The following SORCS1 variants were observed in gnomAD, a reference collection of about 807,000 sequenced individuals.
The protein encoded by SORCS1 is VPS10 domain-containing receptor SorCS1.
In SORCS1, 60 loss-of-function variants were observed where a neutral mutation model predicts 146.1. The observed-to-expected ratio is 0.41, with a 90% confidence interval of 0.33 to 0.51. The LOEUF is 0.51. Ranked by LOEUF, SORCS1 falls within the 20% of genes least tolerant of loss-of-function variation. The probability of loss-of-function intolerance (pLI) is 0.21; values close to 1 mark genes in which losing one functional copy is unlikely to be tolerated. For missense variants in SORCS1, 1,352 were observed against 1,487.6 expected (o/e 0.91, Z 1.50); for synonymous variants, 637 against 584.0 (o/e 1.09, Z -1.31).
chr10:106,789,091 T>C (rs895742425), intron 3 of SORCS1, among the ~76,000 whole-genome samples: 2 of 152,172 alleles, frequency 1.3e-5, no homozygotes, highest in Admixed American at 6.5e-5. Flanking sequence ...TCCACAGCAA[T>C]GGCCTGAGCT....
At chr10:106,875,725 T>C (rs1950567804) in intron 2 of SORCS1, among the ~76,000 whole-genome samples, 1 of 152,230 alleles carries the variant, frequency 6.6e-6, no homozygotes, top group Non-Finnish European at 1.5e-5. Context: ...GAGCATTTTT[T>C]CATGTTTATT....
In SORCS1 at chr10:106,991,062, C is replaced by T. The variant is rs142675274; in HGVS notation, c.559-34482G>A. 5.5e-3 allele frequency among the ~76,000 whole-genome samples: 833 copies of T among 152,330 alleles called. 5 individuals are homozygous for T. Among genetic ancestry groups the T allele is most frequent in the Middle Eastern group, 0.034 (10 of 294 alleles). ...GCCACTTTTTCACCTGTTCAGTATT[C>T]CATGATACTAACTAATCTGACTTAT... On this transcript the variant is annotated intron_variant, in intron 1 of 25. Transcript: ENST00000263054.
intron 9 of SORCS1, among the ~76,000 whole-genome samples, chr10:106,693,160 T>G (rs182722143): frequency 6.6e-6 from 1 of 152,306 alleles, no homozygotes; most frequent in Non-Finnish European, 1.5e-5. Flanking sequence ...GTCTAAAATC[T>G]GAAACCCTAC....
chr10:106,799,178 T>C (rs1249603573), intron 3 of SORCS1, among the ~76,000 whole-genome samples: 1 of 152,230 alleles, frequency 6.6e-6, no homozygotes, highest in Non-Finnish European at 1.5e-5. Context: ...GCTAGCCATA[T>C]GTAGAAAGCT....
At chr10:107,180,479 T>C in the SORCS1 span, among the ~76,000 whole-genome samples, 1 of 152,178 alleles carries the variant, frequency 6.6e-6, no homozygotes, top group African/African-American at 2.4e-5. Context: ...CTCTGACCTT[T>C]GTTTTATTTC....
At chr10:107,147,650 T>C (rs1262555893) in intron 1 of SORCS1, among the ~76,000 whole-genome samples, 2 of 152,210 alleles carry the variant, frequency 1.3e-5, no homozygotes, top group African/African-American at 4.8e-5. Flanking sequence ...AGACTTTCTT[T>C]ATGGTATATC....
chr10:106,577,185 T>A lies in SORCS1; in HGVS notation c.*235A>T. Reference sequence around the variant, plus strand: ...ATTGTTTATATTTTATGTTTTGTTTTGTTTTTGTTTTTGTTTTTTTACTGG... The same window carrying A: ...ATTGTTTATATTTTATGTTTTGTTTAGTTTTTGTTTTTGTTTTTTTACTGG... On this transcript the variant is annotated 3_prime_UTR_variant, in exon 26 of 26. Transcript: ENST00000263054. The A allele has an allele frequency of 6.8e-7, 1 of 1,467,490 alleles. No individual in the cohort carries two copies. The highest frequency in any genetic ancestry group is 9.2e-7 in the Non-Finnish European group (1 of 1,092,444). The allele number at this position is 1,467,490 out of a possible 1,614,324, so 90.9% of individuals were successfully genotyped here. A position where few individuals can be genotyped will look rare whatever the true frequency, so the allele number is the denominator to read the frequency against.
intron 1 of SORCS1, among the ~76,000 whole-genome samples, chr10:106,992,094 T>C (rs1956792210): frequency 6.6e-6 from 1 of 152,186 alleles, no homozygotes; most frequent in Admixed American, 6.5e-5. Flanking sequence ...AGGTGAAGAC[T>C]GAGCAATCAA....
intron 2 of SORCS1, among the ~76,000 whole-genome samples, chr10:106,898,172 T>C (rs1471804353): frequency 2.0e-5 from 3 of 152,372 alleles, no homozygotes; most frequent in East Asian, 3.9e-4. Context: ...CCTGGTTCTA[T>C]ATGGAAAGGT....
intron 2 of SORCS1, among the ~76,000 whole-genome samples, chr10:106,916,052 C>G (rs900662280): frequency 2.6e-5 from 4 of 152,232 alleles, no homozygotes; most frequent in African/African-American, 9.6e-5. Flanking sequence ...ACACCTCTTG[C>G]TCATCACTTT....
intron 2 of SORCS1, among the ~76,000 whole-genome samples, chr10:106,889,834 G>A (rs1375225502): frequency 2.7e-5 from 4 of 146,724 alleles, no homozygotes; most frequent in African/African-American, 7.7e-5. Context: ...GCAGTGAGCC[G>A]AGATCGCGCC....
At chr10:107,034,434 C>T (rs191247087) in intron 1 of SORCS1, among the ~76,000 whole-genome samples, 1 of 151,906 alleles carries the variant, frequency 6.6e-6, no homozygotes, top group Admixed American at 6.6e-5. Flanking sequence ...AATCCCAACA[C>T]TTTGGGAGAC....
intron 2 of SORCS1, among the ~76,000 whole-genome samples, chr10:106,833,878 C>T (rs1436661081): frequency 6.6e-6 from 1 of 152,192 alleles, no homozygotes. Flanking sequence ...ACTGCAAGCT[C>T]CGCCTCCTGG....
intron 3 of SORCS1, among the ~76,000 whole-genome samples, chr10:106,823,493 A>G (rs1564700736): frequency 1.3e-5 from 2 of 152,222 alleles, no homozygotes; most frequent in African/African-American, 4.8e-5. Context: ...GTTTCAGCCT[A>G]GGAGTCCAAA....
chr10:107,146,763 C>T (rs912556477), intron 1 of SORCS1, among the ~76,000 whole-genome samples: 1 of 152,118 alleles, frequency 6.6e-6, no homozygotes, highest in African/African-American at 2.4e-5. Context: ...CCCAATTCTA[C>T]CATCTGCTTT....
At chr10:106,629,868 AC>A (rs1159659262) in intron 18 of SORCS1, among the ~76,000 whole-genome samples, 21 of 152,048 alleles carry the variant, frequency 1.4e-4, no homozygotes, top group Non-Finnish European at 2.9e-4. Flanking sequence ...ACATGGTGAA[AC>A]CCCGTCTCTA....
At chr10:106,906,264 A>G (rs903548746) in intron 2 of SORCS1, among the ~76,000 whole-genome samples, 3 of 152,056 alleles carry the variant, frequency 2.0e-5, no homozygotes, top group Admixed American at 2.0e-4. Flanking sequence ...ACAGGTGCCC[A>G]CCACCACGCC....
At chr10:106,834,030 T>C (rs1948681550) in intron 2 of SORCS1, among the ~76,000 whole-genome samples, 1 of 152,168 alleles carries the variant, frequency 6.6e-6, no homozygotes, top group Non-Finnish European at 1.5e-5. Flanking sequence ...CCTGACCTTG[T>C]GATTCACCCA....
In SORCS1 at chr10:106,729,074, A is replaced by G. The variant is rs367826042; in HGVS notation, c.1024+976T>C. Among the ~76,000 whole-genome samples, 11 of 152,286 alleles carry G rather than the reference A, an allele frequency of 7.2e-5. No individual in the cohort carries two copies. In the South Asian group the frequency reaches 1.9e-3, roughly 26 times the overall value. On this transcript the variant is annotated intron_variant, in intron 6 of 25. Transcript: ENST00000263054. ...AGCCCTTCTGAGGATCCTCTGTACC[A>G]GAGAAGGGGAAGGAAACATTCATTG...
Sources: allele counts gnomAD v4.1 joint callset (sites outside exome capture counted in the v4.1 genomes callset), GRCh38; gene constraint gnomAD v4.1.1; transcripts MANE v1.5; gene names NCBI Gene and HGNC (gene_info 2026-07-23, HGNC 2026-07-21).